CHST3: variants seen among roughly 807,000 people sequenced by gnomAD.
CHST3 encodes carbohydrate sulfotransferase 3, also known as C6ST-1.
A neutral mutation model predicts 35.4 loss-of-function variants in CHST3; 20 were observed. The observed-to-expected ratio is 0.57, with a 90% confidence interval of 0.40 to 0.82. The LOEUF (loss-of-function observed/expected upper bound fraction) is 0.82. Among genes scored for constraint, CHST3 ranks in the 40% least tolerant of loss-of-function variants. CHST3 has a pLI of 0.00. For synonymous variants in CHST3, 334 were observed against 295.9 expected, an observed-to-expected ratio of 1.13 and a Z score of -1.32; for missense variants, 693 against 670.1, an observed-to-expected ratio of 1.03 and a Z score of -0.38.
chr10:71,965,504 CG>C (rs1232517782), intron 1 of CHST3, among the ~76,000 whole-genome samples: 5 of 151,844 alleles, frequency 3.3e-5, no homozygotes, highest in African/African-American at 1.2e-4. Flanking sequence ...TGGGTGTGGA[CG>C]GGGTAAGGGG....
At chr10:71,999,871 C>T (rs1839975753) in intron 1 of CHST3, among the ~76,000 whole-genome samples, 1 of 152,220 alleles carries the variant, frequency 6.6e-6, no homozygotes, top group Non-Finnish European at 1.5e-5. Context: ...CAGCTCGCAG[C>T]CCCCTTTTTC....
chr10:71,980,545 G>A lies in CHST3; in HGVS notation c.-108+15851G>A, dbSNP rs866930767. On this transcript the variant is annotated intron_variant, in intron 1 of 2. Transcript: ENST00000373115. ...CACTGTTGACCAGCGATTTTCAAAC[G>A]TTCGTGTGCATCAGACTCAACTGCA... Among the ~76,000 whole-genome samples the A allele has an allele frequency of 2.0e-5, 3 of 152,326 alleles. No individual in the cohort carries two copies. The South Asian group carries it at 6.2e-4, about 32-fold the overall frequency.
chr10:71,990,302 A>C (rs575728291), intron 1 of CHST3, among the ~76,000 whole-genome samples: 1 of 152,096 alleles, frequency 6.6e-6, no homozygotes, highest in African/African-American at 2.4e-5. Flanking sequence ...CCAAGATGGC[A>C]CCTACCTGTG....
chr10:71,989,362 A>G (rs1294728785), intron 1 of CHST3, among the ~76,000 whole-genome samples: 1 of 152,058 alleles, frequency 6.6e-6, no homozygotes, highest in East Asian at 1.9e-4. Flanking sequence ...CAGGAGGATC[A>G]CTTGAGTCCA....
chr10:71,982,208 A>T (rs1454873845), intron 1 of CHST3, among the ~76,000 whole-genome samples: 2 of 152,218 alleles, frequency 1.3e-5, no homozygotes, highest in Admixed American at 1.3e-4. Flanking sequence ...AAGTGTCCTT[A>T]TAAGAGGGAG....
At chr10:71,985,549 C>T (rs375097629) in intron 1 of CHST3, among the ~76,000 whole-genome samples, 4 of 152,312 alleles carry the variant, frequency 2.6e-5, no homozygotes, top group African/African-American at 9.6e-5. Context: ...CCAACTAGTT[C>T]ACTCCTCTGC....
intron 1 of CHST3, among the ~76,000 whole-genome samples, chr10:71,980,915 C>G (rs1034052297): frequency 2.6e-5 from 4 of 152,194 alleles, no homozygotes; most frequent in African/African-American, 9.7e-5. Context: ...TAAAGTGTTG[C>G]ATGTAGAAAA....
At chr10:71,971,093 C>G (rs557857188) in intron 1 of CHST3, among the ~76,000 whole-genome samples, 1 of 152,114 alleles carries the variant, frequency 6.6e-6, no homozygotes, top group East Asian at 1.9e-4. Context: ...ACCAGGCACC[C>G]GGTTAGAAGG....
intron 1 of CHST3, among the ~76,000 whole-genome samples, chr10:71,995,708 G>A (rs1314824903): frequency 6.6e-6 from 1 of 152,186 alleles, no homozygotes; most frequent in Non-Finnish European, 1.5e-5. Flanking sequence ...TGGCTGGTTG[G>A]TGGGGCAGTC....
intron 1 of CHST3, among the ~76,000 whole-genome samples, chr10:71,965,228 G>A (rs1839618122): frequency 6.6e-6 from 1 of 152,194 alleles, no homozygotes; most frequent in Non-Finnish European, 1.5e-5. Flanking sequence ...GAGCGAATTT[G>A]GTGTGGAAAC....
chr10:71,999,270 T>A (rs1564530037), intron 1 of CHST3, among the ~76,000 whole-genome samples: 1 of 152,202 alleles, frequency 6.6e-6, no homozygotes, highest in Non-Finnish European at 1.5e-5. Context: ...GGGGCTCCCC[T>A]GCCGCCTCTC....
At chr10:71,991,099 T>C (rs1400318627) in intron 1 of CHST3, among the ~76,000 whole-genome samples, 3 of 152,178 alleles carry the variant, frequency 2.0e-5, no homozygotes, top group Non-Finnish European at 4.4e-5. Flanking sequence ...GAGAGAGGCC[T>C]GGATGAATGT....
At chr10:71,988,077 C>T (rs373758028) in intron 1 of CHST3, among the ~76,000 whole-genome samples, 7 of 152,130 alleles carry the variant, frequency 4.6e-5, no homozygotes, top group Non-Finnish European at 7.4e-5. Context: ...TGCATGTATA[C>T]GTACATGCAC....
intron 1 of CHST3, among the ~76,000 whole-genome samples, chr10:71,969,104 G>A (rs1839662405): frequency 6.6e-6 from 1 of 152,144 alleles, no homozygotes. Context: ...CACGTGTTCT[G>A]GAGAGCTGGA....
At position 72,011,167 on chromosome 10, in the gene CHST3, CAA is replaced by C. The variant is rs1840106129; in HGVS notation, c.*2697_*2698del. On this transcript the variant is annotated 3_prime_UTR_variant, in exon 3 of 3. Coordinates refer to ENST00000373115, the MANE Select transcript of CHST3 (RefSeq NM_004273.5). ...GGACACCAGAAGACGATTCAGAACA[CAA>C]GAGGAGAATGAGCTGGAGCGCCAGC... 1 of 152,222 alleles carries C rather than the reference CAA, an allele frequency of 6.6e-6. No individual in the cohort carries two copies. The highest frequency in any genetic ancestry group is 1.5e-5 in the Non-Finnish European group (1 of 68,042). 9.4% of individuals were successfully genotyped at this position (152,222 alleles called of 1,614,324 possible).
intron 1 of CHST3, among the ~76,000 whole-genome samples, chr10:71,966,573 A>G (rs1158049046): frequency 6.6e-6 from 1 of 152,180 alleles, no homozygotes; most frequent in Non-Finnish European, 1.5e-5. Context: ...TGAAATTAGC[A>G]AGGCATGTGG....
chr10:72,008,656 C>G lies in CHST3; in HGVS notation c.*185C>G. 2.3e-6 allele frequency: 3 copies of G among 1,287,646 alleles called. No individual in the cohort carries two copies. Among genetic ancestry groups the G allele is most frequent in the Non-Finnish European group, 3.1e-6 (3 of 974,116 alleles). 79.8% of individuals were successfully genotyped at this position (1,287,646 alleles called of 1,614,324 possible). ...TTAATTGCGGAGAACAGGACAGTGC[C>G]CGGTCCCCTTGAGGGCCATCACACC... is the stretch of plus-strand genomic sequence containing the variant. On this transcript the variant is annotated 3_prime_UTR_variant, in exon 3 of 3. Coordinates refer to ENST00000373115, the MANE Select transcript of CHST3 (RefSeq NM_004273.5).
intron 1 of CHST3, among the ~76,000 whole-genome samples, chr10:71,982,908 A>C (rs535501254): frequency 2.1e-4 from 32 of 152,354 alleles, no homozygotes; most frequent in African/African-American, 7.5e-4. Flanking sequence ...CTAGTGGGCT[A>C]CCGAGCTGGA....
chr10:71,969,376 T>C (rs1839665762), intron 1 of CHST3, among the ~76,000 whole-genome samples: 1 of 152,226 alleles, frequency 6.6e-6, no homozygotes. Context: ...TGGTATTTTC[T>C]ATCCCCGGCC....
Sources: allele counts gnomAD v4.1 joint callset (sites outside exome capture counted in the v4.1 genomes callset), GRCh38; gene constraint gnomAD v4.1.1; transcripts MANE v1.5; gene names NCBI Gene and HGNC (gene_info 2026-07-23, HGNC 2026-07-21).